The following CCDC178 variants were observed in gnomAD, a reference collection of about 807,000 sequenced individuals.
The protein encoded by CCDC178 is coiled-coil domain containing 178, also known as coiled-coil domain-containing protein 178.
A neutral mutation model predicts 117.4 loss-of-function variants in CCDC178; 126 were observed. The ratio of observed to expected loss-of-function variants is 1.07; its 90% CI spans 0.93 to 1.24. The LOEUF (loss-of-function observed/expected upper bound fraction) is 1.24, where lower values mean the gene tolerates loss of function less well. Among genes scored for constraint, CCDC178 ranks in the 50% most tolerant of loss-of-function variants. CCDC178 has a pLI of 0.00. For missense variants in CCDC178, 1,030 were observed against 986.9 expected (o/e 1.04, Z -0.59); for synonymous variants, 283 against 313.4 (o/e 0.90, Z 1.02).
At chr18:33,076,060 G>A (rs747958451) in intron 21 of CCDC178, among the ~76,000 whole-genome samples, 2 of 152,196 alleles carry the variant, frequency 1.3e-5, no homozygotes, top group South Asian at 4.1e-4. Context: ...TGTAGGCACT[G>A]TATTTCTTCT....
chr18:33,356,298 T>A, intron 7 of CCDC178, 26 bp downstream of exon 7: 1 of 1,466,606 alleles, frequency 6.8e-7, no homozygotes, highest in Non-Finnish European at 9.2e-7. Context: ...AATAAAATAG[T>A]TTTAAAAAGC....
intron 10 of CCDC178, among the ~76,000 whole-genome samples, chr18:33,327,176 T>G (rs1441770105): frequency 6.6e-6 from 1 of 152,244 alleles, no homozygotes; most frequent in African/African-American, 2.4e-5. Context: ...TTACCTATAC[T>G]GCATCTTTTA....
chr18:33,151,337 G>C (rs1202356349), intron 20 of CCDC178, among the ~76,000 whole-genome samples: 1 of 152,110 alleles, frequency 6.6e-6, no homozygotes, highest in Non-Finnish European at 1.5e-5. Context: ...CATATCTACA[G>C]TCTTCAAATA....
intron 21 of CCDC178, among the ~76,000 whole-genome samples, chr18:32,997,195 G>A (rs1371857027): frequency 6.6e-6 from 1 of 152,056 alleles, no homozygotes; most frequent in Admixed American, 6.6e-5. Context: ...AGTGAAGACA[G>A]GTATGATAGT....
chr18:33,415,958 A>G (rs1038831898), intron 2 of CCDC178, among the ~76,000 whole-genome samples: 1 of 152,194 alleles, frequency 6.6e-6, no homozygotes, highest in African/African-American at 2.4e-5. Flanking sequence ...TATGCTTTGT[A>G]TATTCCAAAC....
intron 10 of CCDC178, 49 bp downstream of exon 10, chr18:33,333,125 G>T: frequency 4.4e-6 from 5 of 1,142,452 alleles, no homozygotes; most frequent in South Asian, 2.8e-5. Context: ...AAAAGTTTTT[G>T]CATAACTAAG....
At chr18:33,405,323 A>G (rs967569096) in intron 3 of CCDC178, among the ~76,000 whole-genome samples, 3 of 151,722 alleles carry the variant, frequency 2.0e-5, no homozygotes, top group Admixed American at 6.6e-5. Context: ...ATATCCATTA[A>G]AAGATAATGT....
At chr18:33,356,206 T>C in intron 7 of CCDC178, 118 bp downstream of exon 7, 1 of 1,033,302 alleles carries the variant, frequency 9.7e-7, no homozygotes, top group Non-Finnish European at 1.4e-6. Flanking sequence ...CAATATCTAT[T>C]GTGAAAAATC....
At chr18:33,238,855 C>G (rs2059454472) in intron 15 of CCDC178, among the ~76,000 whole-genome samples, 1 of 151,886 alleles carries the variant, frequency 6.6e-6, no homozygotes, top group Non-Finnish European at 1.5e-5. Context: ...AAGTCAAAGA[C>G]AGAACAAATT....
intron 19 of CCDC178, among the ~76,000 whole-genome samples, chr18:33,214,326 T>C (rs534707095): frequency 6.6e-6 from 1 of 152,098 alleles, no homozygotes; most frequent in Non-Finnish European, 1.5e-5. Flanking sequence ...TTAATAGTTG[T>C]ATAAGTAATT....
chr18:32,998,955 G>C (rs1159743857), intron 21 of CCDC178, among the ~76,000 whole-genome samples: 1 of 151,962 alleles, frequency 6.6e-6, no homozygotes, highest in Admixed American at 6.6e-5. Context: ...GAAAAGGAGA[G>C]GGAAGAGGAA....
chr18:33,379,662 T>C (rs913532711), intron 5 of CCDC178, among the ~76,000 whole-genome samples: 3 of 152,078 alleles, frequency 2.0e-5, no homozygotes, highest in African/African-American at 7.2e-5. Context: ...CTCCGCAAGG[T>C]GATGGAGGGT....
chr18:33,381,601 T>C (rs568727355), intron 5 of CCDC178, among the ~76,000 whole-genome samples: 5 of 152,352 alleles, frequency 3.3e-5, no homozygotes, highest in African/African-American at 9.6e-5. Flanking sequence ...TCTTAAATTT[T>C]ATCCTCACCT....
At chr18:33,293,800 T>C (rs1222099998) in intron 11 of CCDC178, among the ~76,000 whole-genome samples, 1 of 152,092 alleles carries the variant, frequency 6.6e-6, no homozygotes, top group Non-Finnish European at 1.5e-5. Context: ...AAGTAAATAG[T>C]GAGGAAAAAA....
At chr18:33,097,932 A>G (rs2057567101) in intron 20 of CCDC178, among the ~76,000 whole-genome samples, 2 of 152,062 alleles carry the variant, frequency 1.3e-5, no homozygotes, top group African/African-American at 4.8e-5. Context: ...ATATCTCAGT[A>G]TTTGATTAGG....
intron 20 of CCDC178, among the ~76,000 whole-genome samples, chr18:33,185,688 A>T (rs1174752483): frequency 6.6e-6 from 1 of 152,094 alleles, no homozygotes; most frequent in African/African-American, 2.4e-5. Flanking sequence ...ATTTAGATAT[A>T]TTTAGTAAAA....
chr18:33,001,013 T>C (rs7244477), intron 21 of CCDC178, among the ~76,000 whole-genome samples: 22,880 of 152,034 alleles, frequency 0.15, 2,531 homozygotes, highest in African/African-American at 0.31. Context: ...ACTACGACAA[T>C]TTTTCAAGAC....
chr18:33,134,010 C>T (rs2058097087), intron 20 of CCDC178, among the ~76,000 whole-genome samples: 1 of 151,660 alleles, frequency 6.6e-6, no homozygotes, highest in Non-Finnish European at 1.5e-5. Context: ...CCCTTAGATG[C>T]ATGTTAGACT....
chr18:33,373,940 TA>T, intron 5 of CCDC178, among the ~76,000 whole-genome samples: 1 of 152,290 alleles, frequency 6.6e-6, no homozygotes, highest in Admixed American at 6.5e-5. Context: ...ATCTGGATTT[TA>T]AAATATGAGA....
Sources: gnomAD v4.1 joint callset for allele counts (sites outside exome capture counted in the v4.1 genomes callset) on GRCh38, gnomAD v4.1.1 for gene constraint, MANE v1.5 for transcripts, NCBI Gene and HGNC (gene_info 2026-07-23, HGNC 2026-07-21) for gene names.